ACSS3: variants seen among roughly 807,000 people sequenced by gnomAD.
ACSS3 encodes acyl-CoA synthetase short chain family member 3, also known as acyl-CoA synthetase short-chain family member 3, mitochondrial.
A neutral mutation model predicts 84.2 loss-of-function variants in ACSS3; 64 were observed. The observed-to-expected ratio is 0.76, with a 90% confidence interval of 0.62 to 0.94. The LOEUF (loss-of-function observed/expected upper bound fraction) is 0.94, where lower values mean the gene tolerates loss of function less well. Among genes scored for constraint, ACSS3 ranks in the 40% least tolerant of loss-of-function variants. The pLI, the probability that ACSS3 is intolerant of heterozygous loss-of-function variation, is 0.00. For missense variants in ACSS3, 815 were observed against 867.6 expected, an observed-to-expected ratio of 0.94 and a Z score of 0.76; for synonymous variants, 317 against 310.1, an observed-to-expected ratio of 1.02 and a Z score of -0.23.
At chr12:81,217,716 G>T (rs1274105339) in intron 10 of ACSS3, among the ~76,000 whole-genome samples, 1 of 151,980 alleles carries the variant, frequency 6.6e-6, no homozygotes, top group Non-Finnish European at 1.5e-5. Context: ...GGTGGTGTGC[G>T]CCTCTAACCC....
intron 9 of ACSS3, among the ~76,000 whole-genome samples, chr12:81,209,360 G>A (rs901697038): frequency 1.3e-5 from 2 of 149,168 alleles, no homozygotes; most frequent in Non-Finnish European, 3.0e-5. Flanking sequence ...ATTTTTAATG[G>A]GAAATGTTCC....
chr12:81,252,338 T>C (rs1422549622), intron 13 of ACSS3, among the ~76,000 whole-genome samples: 1 of 152,146 alleles, frequency 6.6e-6, no homozygotes, highest in Non-Finnish European at 1.5e-5. Flanking sequence ...TGAAAGCATC[T>C]TGAAGCAATA....
intron 2 of ACSS3, among the ~76,000 whole-genome samples, chr12:81,116,085 A>T (rs1884019636): frequency 6.6e-6 from 1 of 152,028 alleles, no homozygotes; most frequent in African/African-American, 2.4e-5. Context: ...AGTATAATGT[A>T]TATATTGTAT....
intron 9 of ACSS3, among the ~76,000 whole-genome samples, chr12:81,216,179 A>G (rs1217559998): frequency 3.3e-5 from 5 of 151,052 alleles, no homozygotes; most frequent in Non-Finnish European, 5.9e-5. Context: ...TTCTGTGTGT[A>G]ATCTTTTTTT....
intron 9 of ACSS3, among the ~76,000 whole-genome samples, chr12:81,201,836 G>C (rs781468364): frequency 6.6e-6 from 1 of 152,126 alleles, no homozygotes; most frequent in African/African-American, 2.4e-5. Context: ...TAGCTAGATC[G>C]CTAGATTATT....
chr12:81,219,047 T>C (rs2033017581), intron 10 of ACSS3, among the ~76,000 whole-genome samples: 1 of 152,128 alleles, frequency 6.6e-6, no homozygotes, highest in Non-Finnish European at 1.5e-5. Flanking sequence ...AACTTGTCAC[T>C]TTGCATACAT....
At chr12:81,198,174 C>G (rs2031927057) in intron 8 of ACSS3, among the ~76,000 whole-genome samples, 1 of 152,104 alleles carries the variant, frequency 6.6e-6, no homozygotes, top group African/African-American at 2.4e-5. Flanking sequence ...TTGCTAACTC[C>G]CCACCTCTGT....
chr12:81,152,598 T>C (rs1343064268), intron 7 of ACSS3, among the ~76,000 whole-genome samples: 4 of 152,190 alleles, frequency 2.6e-5, no homozygotes, highest in Non-Finnish European at 4.4e-5. Flanking sequence ...GATGAATATA[T>C]CAGTGTCACC....
chr12:81,184,983 A>G (rs2031168679), intron 8 of ACSS3, among the ~76,000 whole-genome samples: 1 of 151,706 alleles, frequency 6.6e-6, no homozygotes, highest in African/African-American at 2.4e-5. Context: ...ATTCTTAGTA[A>G]AGTATTATCA....
chr12:81,208,936 G>T (rs534154259), intron 9 of ACSS3, among the ~76,000 whole-genome samples: 1 of 152,178 alleles, frequency 6.6e-6, no homozygotes, highest in Non-Finnish European at 1.5e-5. Context: ...TTAGTGAATA[G>T]AATATATTCG....
intron 11 of ACSS3, among the ~76,000 whole-genome samples, chr12:81,228,408 T>A (rs2033341401): frequency 6.6e-6 from 1 of 151,864 alleles, no homozygotes; most frequent in Non-Finnish European, 1.5e-5. Context: ...TCAGGAACTT[T>A]GTGCAGATAT....
chr12:81,229,702 A>C (rs1416886517), intron 11 of ACSS3, among the ~76,000 whole-genome samples: 1 of 151,956 alleles, frequency 6.6e-6, no homozygotes, highest in African/African-American at 2.4e-5. Flanking sequence ...TATTTTACAG[A>C]TTAATTAAAA....
intron 1 of ACSS3, among the ~76,000 whole-genome samples, chr12:81,080,089 A>G (rs1218498165): frequency 6.6e-6 from 1 of 152,172 alleles, no homozygotes; most frequent in African/African-American, 2.4e-5. Flanking sequence ...GGCCATCTCC[A>G]TTATAAAACT....
At chr12:81,092,038 TC>T (rs1881701137) in intron 1 of ACSS3, among the ~76,000 whole-genome samples, 1 of 152,142 alleles carries the variant, frequency 6.6e-6, no homozygotes, top group Non-Finnish European at 1.5e-5. Flanking sequence ...TCCTATCTTA[TC>T]CTCATAATAC....
intron 5 of ACSS3, among the ~76,000 whole-genome samples, chr12:81,150,336 T>C (rs1886547435): frequency 6.6e-6 from 1 of 152,224 alleles, no homozygotes; most frequent in Non-Finnish European, 1.5e-5. Context: ...CAAAAGCTAC[T>C]TTTTCTAGTC....
At chr12:81,200,858 C>T (rs2135900358) in intron 9 of ACSS3, among the ~76,000 whole-genome samples, 1 of 143,284 alleles carries the variant, frequency 7.0e-6, no homozygotes, top group East Asian at 2.0e-4. Flanking sequence ...CCTATCATTG[C>T]ACTCCAGCCT....
chr12:81,116,642 T>C (rs1884068742), intron 2 of ACSS3, among the ~76,000 whole-genome samples: 1 of 152,108 alleles, frequency 6.6e-6, no homozygotes, highest in Non-Finnish European at 1.5e-5. Context: ...TACATGATCT[T>C]CCTACCAGAG....
intron 1 of ACSS3, among the ~76,000 whole-genome samples, chr12:81,095,342 C>T (rs565769698): frequency 1.1e-4 from 17 of 152,302 alleles, no homozygotes; most frequent in African/African-American, 4.1e-4. Context: ...GTTATTAGCA[C>T]TGTATTTGAA....
Position 81,108,267 on chromosome 12 carries a change from T to TATTAGTA in ACSS3, c.312-1289_312-1288insGTAATTA, listed in dbSNP as rs1555245688. ...TGTGGCTATTATTATTATTATTAAT[T>TATTAGTA]ATTATTATTATTATTATTATTGTTA... On this transcript the variant is annotated intron_variant, in intron 1 of 15. Coordinates refer to ENST00000548058, the MANE Select transcript of ACSS3 (RefSeq NM_024560.4). Among the ~76,000 whole-genome samples the TATTAGTA allele has an allele frequency of 2.9e-5, 3 of 104,886 alleles. No individual in the cohort carries two copies. In the East Asian group the frequency reaches 1.3e-3, roughly 44 times the overall value. 68.8% of individuals were successfully genotyped at this position (104,886 alleles called of 152,430 possible).
Sources: allele counts gnomAD v4.1 joint callset (sites outside exome capture counted in the v4.1 genomes callset), GRCh38; gene constraint gnomAD v4.1.1; transcripts MANE v1.5; gene names NCBI Gene and HGNC (gene_info 2026-07-23, HGNC 2026-07-21).